The following GPC6 variants were observed in gnomAD, a reference collection of about 807,000 sequenced individuals.
The protein encoded by GPC6 is glypican-6.
A neutral mutation model predicts 55.2 loss-of-function variants in GPC6; 14 were observed. That is an observed-to-expected ratio of 0.25 (90% CI 0.17 to 0.40). GPC6 has a LOEUF of 0.40. Among genes scored for constraint, GPC6 ranks in the 10% least tolerant of loss-of-function variants. The pLI is 1.00. For synonymous variants in GPC6, 278 were observed against 259.6 expected, an observed-to-expected ratio of 1.07 and a Z score of -0.68; for missense variants, 641 against 708.5, an observed-to-expected ratio of 0.90 and a Z score of 1.08.
intron 6 of GPC6, among the ~76,000 whole-genome samples, chr13:94,342,022 T>C (rs9556363): frequency 0.16 from 25,042 of 152,200 alleles, 2,314 homozygotes; most frequent in East Asian, 0.23. Context: ...TATCACTGCA[T>C]TGGAATCACT....
At chr13:93,740,928 G>A (rs1202789210) in intron 2 of GPC6, among the ~76,000 whole-genome samples, 2 of 151,920 alleles carry the variant, frequency 1.3e-5, no homozygotes, top group African/African-American at 4.8e-5. Flanking sequence ...TAACAAGAAT[G>A]TTTCTGGAAA....
chr13:94,071,398 G>A (rs1884730212), intron 4 of GPC6, among the ~76,000 whole-genome samples: 1 of 152,084 alleles, frequency 6.6e-6, no homozygotes, highest in South Asian at 2.1e-4. Flanking sequence ...ATCCAAATTG[G>A]CCATTTAAAT....
chr13:93,613,530 AACACACACACACAC>A (rs10573990), intron 2 of GPC6, among the ~76,000 whole-genome samples: 2 of 139,912 alleles, frequency 1.4e-5, no homozygotes, highest in Non-Finnish European at 1.5e-5. Flanking sequence ...ACACACACAA[AACACACACACACAC>A]ACACACACAC....
chr13:94,281,397 G>A (rs903290344), intron 4 of GPC6, among the ~76,000 whole-genome samples: 1 of 151,954 alleles, frequency 6.6e-6, no homozygotes, highest in Non-Finnish European at 1.5e-5. Context: ...TCCTCCCTGT[G>A]TCCATGTGTT....
At chr13:93,910,337 A>G (rs1594580154) in intron 3 of GPC6, among the ~76,000 whole-genome samples, 1 of 151,946 alleles carries the variant, frequency 6.6e-6, no homozygotes, top group East Asian at 1.9e-4. Context: ...TTCATCTTCC[A>G]CCATGATTGT....
intron 4 of GPC6, among the ~76,000 whole-genome samples, chr13:94,259,320 T>C (rs1393709018): frequency 6.6e-6 from 1 of 152,170 alleles, no homozygotes; most frequent in Admixed American, 6.5e-5. Flanking sequence ...AGAATTTATC[T>C]GGGCTGAAGT....
chr13:94,106,230 G>C lies in GPC6; in HGVS notation c.877+78336G>C, dbSNP rs565340011. Among the ~76,000 whole-genome samples the C allele has an allele frequency of 9.8e-5, 15 of 152,352 alleles. No homozygotes were observed. The South Asian group carries it at 3.1e-3, about 32-fold the overall frequency. On this transcript the variant is annotated intron_variant, in intron 4 of 8. Coordinates refer to ENST00000377047, the MANE Select transcript of GPC6 (RefSeq NM_005708.5). The stretch of plus-strand genomic sequence containing the variant: ...CACGACCAAGAGTTATCCAGCTGAA[G>C]ATGTCAATACTGCCAAGTGTGAGAA...
chr13:93,366,972 G>T (rs1881273754), intron 1 of GPC6, among the ~76,000 whole-genome samples: 1 of 152,010 alleles, frequency 6.6e-6, no homozygotes, highest in African/African-American at 2.4e-5. Context: ...GACTGTCTTA[G>T]AGATACAGTG....
chr13:93,379,571 A>T (rs142305308), intron 1 of GPC6, among the ~76,000 whole-genome samples: 12 of 152,312 alleles, frequency 7.9e-5, no homozygotes, highest in African/African-American at 2.9e-4. Flanking sequence ...ATAATTTCAT[A>T]TATGCCTTGA....
chr13:93,441,706 C>T lies in GPC6; in HGVS notation c.161-103557C>T, dbSNP rs144290678. Among the ~76,000 whole-genome samples the T allele has an allele frequency of 2.3e-3, 349 of 152,170 alleles. 2 individuals carry two copies. The highest frequency in any genetic ancestry group is 1.7e-3 in the South Asian group (8 of 4,820). On this transcript the variant is annotated intron_variant, in intron 1 of 8. Transcript: ENST00000377047. ...AAAGCTCTTTAGTTTAATTAGATCCCGTTTGTCAATTTTGGCTTTTGTTGC... is the reference window on the plus strand; with the variant it reads ...AAAGCTCTTTAGTTTAATTAGATCCTGTTTGTCAATTTTGGCTTTTGTTGC...
intron 6 of GPC6, among the ~76,000 whole-genome samples, chr13:94,367,473 G>A (rs1879335197): frequency 6.6e-6 from 1 of 152,182 alleles, no homozygotes; most frequent in African/African-American, 2.4e-5. Context: ...CAAACATGAA[G>A]ATTTGAAAGT....
chr13:93,382,774 A>T (rs1875234793), intron 1 of GPC6, among the ~76,000 whole-genome samples: 1 of 152,220 alleles, frequency 6.6e-6, no homozygotes, highest in African/African-American at 2.4e-5. Flanking sequence ...TTGTTTCTCA[A>T]AGAAACATTG....
At chr13:94,230,631 G>T (rs1009407270) in intron 4 of GPC6, among the ~76,000 whole-genome samples, 1 of 152,134 alleles carries the variant, frequency 6.6e-6, no homozygotes, top group Admixed American at 6.5e-5. Context: ...CAGTAGCTGG[G>T]CATCCCTTGG....
chr13:93,609,133 C>A (rs979450740), intron 2 of GPC6, among the ~76,000 whole-genome samples: 1 of 152,164 alleles, frequency 6.6e-6, no homozygotes, highest in African/African-American at 2.4e-5. Context: ...TTATGATCGT[C>A]TTTCTTATTA....
At chr13:94,302,091 G>T (rs934459157) in intron 5 of GPC6, among the ~76,000 whole-genome samples, 1 of 152,080 alleles carries the variant, frequency 6.6e-6, no homozygotes, top group Non-Finnish European at 1.5e-5. Flanking sequence ...CACCCACCTC[G>T]TGACTCTCAT....
intron 4 of GPC6, among the ~76,000 whole-genome samples, chr13:94,255,733 A>G (rs904601526): frequency 1.3e-5 from 2 of 152,172 alleles, no homozygotes; most frequent in Non-Finnish European, 2.9e-5. Context: ...CTCATCAGCC[A>G]GGAGGGCTCT....
chr13:94,147,282 A>AT (rs1167893777), intron 4 of GPC6, among the ~76,000 whole-genome samples: 2 of 151,960 alleles, frequency 1.3e-5, no homozygotes, highest in African/African-American at 2.4e-5. Flanking sequence ...ACATAGAAAG[A>AT]TTTTGCTTTT....
chr13:94,066,769 A>G (rs1005031139), intron 4 of GPC6, among the ~76,000 whole-genome samples: 2 of 152,176 alleles, frequency 1.3e-5, no homozygotes, highest in African/African-American at 4.8e-5. Flanking sequence ...CCCTTTCCGC[A>G]AGGAACACAC....
At chr13:93,277,744 T>G (rs943067453) in intron 1 of GPC6, among the ~76,000 whole-genome samples, 1 of 152,200 alleles carries the variant, frequency 6.6e-6, no homozygotes, top group Admixed American at 6.5e-5. Context: ...AAATATCTTT[T>G]CAATGTACTA....
Sources: allele counts gnomAD v4.1 joint callset (sites outside exome capture counted in the v4.1 genomes callset), GRCh38; gene constraint gnomAD v4.1.1; transcripts MANE v1.5; gene names NCBI Gene and HGNC (gene_info 2026-07-23, HGNC 2026-07-21).